Variants in PARD6G observed in about 807,000 individuals in gnomAD.
The protein encoded by PARD6G is par-6 family cell polarity regulator gamma.
Under a neutral mutation model 10.7 loss-of-function variants are expected in PARD6G, and 7 were observed. That is an observed-to-expected ratio of 0.66 (90% CI 0.37 to 1.23). The LOEUF (loss-of-function observed/expected upper bound fraction) is 1.23. PARD6G is among the 50% of genes most tolerant of loss of function. The pLI is 0.02. For synonymous variants in PARD6G, 287 were observed against 269.4 expected (o/e 1.07, Z -0.64); for missense variants, 548 against 571.8 (o/e 0.96, Z 0.42).
At chr18:80,162,933 C>T (rs1180785799) in intron 2 of PARD6G, among the ~76,000 whole-genome samples, 2 of 152,178 alleles carry the variant, frequency 1.3e-5, no homozygotes, top group Non-Finnish European at 2.9e-5. Flanking sequence ...TGGGCTCTCC[C>T]TGGACTAAAA....
At position 80,160,578 on chromosome 18, in the gene PARD6G, C is replaced by G. The variant is rs1383558658; in HGVS notation, c.324G>C (p.Ala108=). 3 of 1,457,748 alleles carry G rather than the reference C, an allele frequency of 2.1e-6. No homozygotes were observed. Among genetic ancestry groups the G allele is most frequent in the Middle Eastern group, 1.9e-4 (1 of 5,380 alleles). The allele number at this position is 1,457,748 out of a possible 1,614,324, so 90.3% of individuals were successfully genotyped here. A position where few individuals can be genotyped will look rare whatever the true frequency, so the allele number is the denominator to read the frequency against. ...REEAERGSLG[A]GSLCRRRRAL... The stretch of plus-strand genomic sequence containing the variant: ...CCCGCCTCCGCCTGCACAGCGAGCC[C>G]GCGCCGAGGCTGCCACGCTCGGCCT... The change falls in exon 3 of 3, where the codon GCG becomes GCC. Residue 108 remains alanine (A), a synonymous_variant. Transcript: ENST00000353265.
At chr18:80,209,436 A>C (rs1967085605) in intron 1 of PARD6G, among the ~76,000 whole-genome samples, 1 of 152,196 alleles carries the variant, frequency 6.6e-6, no homozygotes, top group Non-Finnish European at 1.5e-5. Context: ...ATAGTAAAAA[A>C]CGGGGTTGGG....
Position 80,200,138 on chromosome 18 carries a change from C to T in PARD6G, c.295+2572G>A, listed in dbSNP as rs540560057. 4.6e-5 allele frequency among the ~76,000 whole-genome samples: 7 copies of T among 152,036 alleles called. No homozygotes were observed. The highest frequency in any genetic ancestry group is 7.2e-5 in the African/African-American group (3 of 41,386). Reference sequence around the variant, plus strand: ...AGTAGAATCTTGAAAATAGCATGACCGTGACTGACCCCTCGACACCCCTGC... The same window carrying T: ...AGTAGAATCTTGAAAATAGCATGACTGTGACTGACCCCTCGACACCCCTGC... On this transcript the variant is annotated intron_variant, in intron 2 of 2. Coordinates refer to ENST00000353265, the MANE Select transcript of PARD6G (RefSeq NM_032510.4). This position sits in a 1 kb window ranked among gnomAD's most constrained non-coding sequence, Gnocchi z 4.4.
At chr18:80,194,314 TA>T (rs1335263369) in intron 2 of PARD6G, among the ~76,000 whole-genome samples, 1 of 152,184 alleles carries the variant, frequency 6.6e-6, no homozygotes, top group Non-Finnish European at 1.5e-5. Context: ...ATCCTCTACG[TA>T]AATAAAGGTG....
At chr18:80,212,444 G>T (rs575395109) in intron 1 of PARD6G, among the ~76,000 whole-genome samples, 1 of 152,194 alleles carries the variant, frequency 6.6e-6, no homozygotes, top group Non-Finnish European at 1.5e-5. Context: ...GAAAGTGCCG[G>T]CCATATTTGT....
At chr18:80,211,316 A>G (rs1470658113) in intron 1 of PARD6G, among the ~76,000 whole-genome samples, 1 of 152,232 alleles carries the variant, frequency 6.6e-6, no homozygotes, top group African/African-American at 2.4e-5. Context: ...AGGAATAGTT[A>G]CCATTGGGGC....
chr18:80,238,457 G>C (rs1967450555), intron 1 of PARD6G, among the ~76,000 whole-genome samples: 2 of 150,346 alleles, frequency 1.3e-5, no homozygotes, highest in Non-Finnish European at 3.0e-5. Flanking sequence ...AAACCTGCAT[G>C]TTGTGCACAA....
At chr18:80,226,858 A>G (rs1468721303) in intron 1 of PARD6G, among the ~76,000 whole-genome samples, 2 of 152,352 alleles carry the variant, frequency 1.3e-5, no homozygotes, top group East Asian at 1.9e-4. Context: ...TTTAATTGCC[A>G]TATTACGAGT....
intron 1 of PARD6G, among the ~76,000 whole-genome samples, chr18:80,232,641 AACACGTGGGAGTTATGAGAGT>A (rs147121711): frequency 0.17 from 26,560 of 152,054 alleles, 2,913 homozygotes; most frequent in East Asian, 0.42. Flanking sequence ...TCCCTCCCAC[AACACGTGGGAGTTATGAGAGT>A]ACAATTCAAG....
chr18:80,160,352 G>C lies in PARD6G; in HGVS notation c.550C>G (p.Pro184Ala). 1 of 1,611,502 alleles carries C rather than the reference G, an allele frequency of 6.2e-7. No homozygotes were observed. The highest frequency in any genetic ancestry group is 1.3e-5 in the African/African-American group (1 of 75,042). ...IRDGASVRVT[P>A]HGLEKVPGIF... ...CCGGGCACCTTCTCCAGCCCGTGCG[G>C]GGTCACGCGCACGCTGGCGCCATCG... The change falls in exon 3 of 3, where the codon CCG becomes GCG. Residue 184 changes from proline (P) to alanine (A), a missense_variant. Pro to Ala is a conservative substitution (Grantham distance 27). This residue lies in a region of PARD6G where 235 missense variants were observed against 291.9 expected (regional missense o/e 0.81). Coordinates refer to ENST00000353265, the MANE Select transcript of PARD6G (RefSeq NM_032510.4).
intron 2 of PARD6G, among the ~76,000 whole-genome samples, chr18:80,166,471 T>G (rs887439759): frequency 2.0e-5 from 3 of 150,666 alleles, no homozygotes; most frequent in Non-Finnish European, 4.4e-5. Flanking sequence ...GTGGAAAATC[T>G]CCACCTCCCT....
intron 1 of PARD6G, among the ~76,000 whole-genome samples, chr18:80,224,437 CTCA>C (rs1967265153): frequency 6.6e-6 from 1 of 152,194 alleles, no homozygotes; most frequent in South Asian, 2.1e-4. Flanking sequence ...GACAAACCTC[CTCA>C]TCATGTGAGG....
rs912626742 is a variant in PARD6G at position 80,160,745 on chromosome 18, G to A, written c.296-139C>T. ...GCACAGGAGCATTCCAGACCTGCAGGCTGAGCTGAAATCAGGCAAGCTCAA... is the reference window on the plus strand; with the variant it reads ...GCACAGGAGCATTCCAGACCTGCAGACTGAGCTGAAATCAGGCAAGCTCAA... On this transcript the variant is annotated intron_variant, in intron 2 of 2. Transcript: ENST00000353265. The A allele has an allele frequency of 7.2e-6, 6 of 837,490 alleles. No individual in the cohort carries two copies. The Admixed American group carries it at 1.4e-4, about 20-fold the overall frequency. 51.9% of individuals were successfully genotyped at this position (837,490 alleles called of 1,614,324 possible). A position where few individuals can be genotyped will look rare whatever the true frequency, so the allele number is the denominator to read the frequency against.
At chr18:80,220,168 G>A (rs962240737) in intron 1 of PARD6G, among the ~76,000 whole-genome samples, 2 of 152,202 alleles carry the variant, frequency 1.3e-5, no homozygotes, top group African/African-American at 4.8e-5. Context: ...TCACATGGCA[G>A]CATCAAGGAG....
rs1302254667 is a variant in PARD6G, at chr18:80,247,096, G to T, written c.72+181C>A. Among the ~76,000 whole-genome samples, 1 of 152,112 alleles carries T rather than the reference G, an allele frequency of 6.6e-6. No individual in the cohort carries two copies. Among genetic ancestry groups the T allele is most frequent in the African/African-American group, 2.4e-5 (1 of 41,444 alleles). ...CTGCCGGGCTTTGTGTCCGCGCGGGGGGCGGGAAGGACGGCCGGGGTCCCC... is the reference window on the plus strand; with the variant it reads ...CTGCCGGGCTTTGTGTCCGCGCGGGTGGCGGGAAGGACGGCCGGGGTCCCC... On this transcript the variant is annotated intron_variant, in intron 1 of 2. Transcript: ENST00000353265. The surrounding 1 kb of genome is among the most constrained non-coding windows in gnomAD (Gnocchi z 4.2).
In PARD6G at chr18:80,159,944, C is replaced by A. The variant is rs1343916360; in HGVS notation, c.958G>T (p.Ala320Ser). ...CCATTGACCCGGGAGAGGCTGCCTGCGGGCGCGCCCGGGGTCTGGGGGGGA... is the reference window on the plus strand; with the variant it reads ...CCATTGACCCGGGAGAGGCTGCCTGAGGGCGCGCCCGGGGTCTGGGGGGGA... ...ARPPQTPGAP[A>S]GSLSRVNGAG... Residue 320 changes from alanine (A) to serine (S), a missense_variant, in exon 3 of 3, where the codon GCA (alanine) becomes TCA (serine). Physicochemically the swap from Ala to Ser is moderately conservative, Grantham distance 99. Around this residue, in one of 2 missense-constraint regions of PARD6G, gnomAD observed 313 missense variants for 279.9 expected, o/e 1.12. Transcript: ENST00000353265. 2 of 1,495,556 alleles carry A rather than the reference C, an allele frequency of 1.3e-6. 1 individual carries two copies. Among genetic ancestry groups the A allele is most frequent in the Admixed American group, 4.9e-5 (2 of 41,134 alleles). 92.6% of individuals were successfully genotyped at this position (1,495,556 alleles called of 1,614,324 possible).
At chr18:80,221,364 T>C (rs1458909598) in intron 1 of PARD6G, among the ~76,000 whole-genome samples, 1 of 152,166 alleles carries the variant, frequency 6.6e-6, no homozygotes, top group Non-Finnish European at 1.5e-5. Flanking sequence ...CCACACACCA[T>C]GACCTGTGAG....
chr18:80,178,187 G>A, intron 2 of PARD6G: 1 of 166,582 alleles, frequency 6.0e-6, no homozygotes, highest in East Asian at 1.9e-4. Context: ...CATTGGAAAA[G>A]CTGCAGTGAT....
rs1253540602 is a variant in PARD6G at position 80,200,416 on chromosome 18, A to G, written c.295+2294T>C. On this transcript the variant is annotated intron_variant, in intron 2 of 2. Transcript: ENST00000353265. The surrounding 1 kb of genome is among the most constrained non-coding windows in gnomAD (Gnocchi z 4.4). ...CCGAGGGGCCAGTGAAGGGCTTGTC[A>G]TCAGCAGATGTCGCTGTTAAGCTCT... Among the ~76,000 whole-genome samples, 1 of 152,202 alleles carries G rather than the reference A, an allele frequency of 6.6e-6. No homozygotes were observed. The highest frequency in any genetic ancestry group is 1.5e-5 in the Non-Finnish European group (1 of 68,046).
Sources: gnomAD v4.1 joint callset for allele counts (sites outside exome capture counted in the v4.1 genomes callset) on GRCh38, gnomAD v4.1.1 for gene constraint, gnomAD v4.1.1 regional missense constraint, Gnocchi (gnomAD v3.1) non-coding constraint, MANE v1.5 for transcripts, NCBI Gene and HGNC (gene_info 2026-07-23, HGNC 2026-07-21) for gene names.